ANHX: variants seen among roughly 807,000 people sequenced by gnomAD.
The protein encoded by ANHX is anomalous homeobox protein.
A neutral mutation model predicts 38.9 loss-of-function variants in ANHX; 20 were observed. That is an observed-to-expected ratio of 0.51 (90% CI 0.36 to 0.75). The LOEUF (loss-of-function observed/expected upper bound fraction) is 0.75. Ranked by LOEUF, ANHX falls within the 30% of genes least tolerant of loss-of-function variation. The probability of loss-of-function intolerance (pLI) is 0.00; values close to 1 mark genes in which losing one functional copy is unlikely to be tolerated. For missense variants in ANHX, 475 were observed against 493.1 expected, an observed-to-expected ratio of 0.96 and a Z score of 0.35; for synonymous variants, 185 against 203.1, an observed-to-expected ratio of 0.91 and a Z score of 0.76.
At chr12:133,226,683 A>AT (rs1469946700) in intron 5 of ANHX, among the ~76,000 whole-genome samples, 3 of 152,116 alleles carry the variant, frequency 2.0e-5, no homozygotes, top group African/African-American at 7.2e-5. Flanking sequence ...TGGCCACACG[A>AT]TGCCCTCCTC....
chr12:133,224,149 T>C (rs951705519), intron 7 of ANHX, among the ~76,000 whole-genome samples: 5 of 151,874 alleles, frequency 3.3e-5, no homozygotes, highest in Non-Finnish European at 7.4e-5. Context: ...CTGGGGACAA[T>C]AGCTTCACTC....
rs767542667 is a variant in ANHX at position 133,231,596 on chromosome 12, C to T, written c.298G>A (p.Asp100Asn). The change falls in exon 3 of 10, where the codon GAC (aspartate) becomes AAC (asparagine). Residue 100 changes from aspartate (D) to asparagine (N), a missense_variant. Physicochemically the swap from Asp to Asn is conservative, Grantham distance 23. Transcript: ENST00000545940. ...CTCATGACCAGACGGTAGTGGATGT[C>T]GTTCCAGAGCTGCACTAACTCCTGG... is the stretch of plus-strand genomic sequence containing the variant. ...GSQELVQLWN[D>N]IHYRLVMRRL... 2.1e-5 allele frequency: 33 copies of T among 1,535,998 alleles called. No homozygotes were observed. The African/African-American group carries it at 2.3e-4, about 11-fold the overall frequency.
At chr12:133,226,883 G>C (rs981168188) in intron 5 of ANHX, 53 bp downstream of exon 5, 15 of 1,448,948 alleles carry the variant, frequency 1.0e-5, no homozygotes, top group Non-Finnish European at 1.3e-5. Context: ...CCTGGCCCTT[G>C]TCAGAAACCA....
intron 7 of ANHX, among the ~76,000 whole-genome samples, chr12:133,224,775 C>G (rs1250233117): frequency 4.6e-5 from 7 of 150,710 alleles, no homozygotes; most frequent in Non-Finnish European, 8.8e-5. Flanking sequence ...ACCATCCTGG[C>G]TAACAGGGTG....
chr12:133,222,194 C>G (rs1409936735), intron 7 of ANHX, among the ~76,000 whole-genome samples: 5 of 152,218 alleles, frequency 3.3e-5, no homozygotes, highest in African/African-American at 9.7e-5. Flanking sequence ...TGTTCAAGCA[C>G]TAGTTTGGAC....
At position 133,221,442 on chromosome 12, in the gene ANHX, G is replaced by T. The variant is rs545677044; in HGVS notation, c.1133-90C>A. The T allele has an allele frequency of 2.0e-5, 29 of 1,420,364 alleles. No homozygotes were observed. The highest frequency in any genetic ancestry group is 2.5e-5 in the Non-Finnish European group (27 of 1,075,246). The allele number at this position is 1,420,364 out of a possible 1,614,324, so 88.0% of individuals were successfully genotyped here. A position where few individuals can be genotyped will look rare whatever the true frequency, so the allele number is the denominator to read the frequency against. On this transcript the variant is annotated intron_variant, in intron 7 of 9. Coordinates refer to ENST00000545940, the MANE Select transcript of ANHX (RefSeq NM_001372060.1). The surrounding 1 kb of genome is among the most constrained non-coding windows in gnomAD (Gnocchi z 4.1). The stretch of plus-strand genomic sequence containing the variant: ...ACCAAGACCTCAAAGCACGGAGGCG[G>T]ATGCAGCCTCCGGCCCAGCCAGCCC...
At chr12:133,234,548 A>T in intron 1 of ANHX, 170 bp from the exon 2 acceptor site, 1 of 712,660 alleles carries the variant, frequency 1.4e-6, no homozygotes, top group East Asian at 2.8e-5. Flanking sequence ...ACCATAGCAT[A>T]CACCCTCTAG....
Position 133,234,144 on chromosome 12 carries a change from C to T in ANHX, c.213G>A (p.Gln71=). The change falls in exon 2 of 10, where the codon CAG becomes CAA. Residue 71 remains glutamine, a synonymous_variant. Coordinates refer to ENST00000545940, the MANE Select transcript of ANHX (RefSeq NM_001372060.1). ...VALACARVLD[Q]QEQQQAACRL... ...GGCAAGCCGCCTGCTGCTGCTCCTGCTGGTCCAGGACACGGGCGCACGCCA... is the reference window on the plus strand; with the variant it reads ...GGCAAGCCGCCTGCTGCTGCTCCTGTTGGTCCAGGACACGGGCGCACGCCA... 6.5e-7 allele frequency: 1 copy of T among 1,536,042 alleles called. No individual in the cohort carries two copies. The highest frequency in any genetic ancestry group is 8.7e-7 in the Non-Finnish European group (1 of 1,146,888).
intron 8 of ANHX, among the ~76,000 whole-genome samples, chr12:133,220,577 T>G (rs1957095056): frequency 6.6e-6 from 1 of 152,182 alleles, no homozygotes; most frequent in African/African-American, 2.4e-5. Flanking sequence ...AGCTCCCTGA[T>G]GAGGGAGACC....
Position 133,221,852 on chromosome 12 carries a change from T to C in ANHX, c.1133-500A>G, listed in dbSNP as rs1193862636. ...ACTTTCCAGAGCGTATCTCAGAACA[T>C]CTCTCACTCTTAGACAAGCTACTGT... On this transcript the variant is annotated intron_variant, in intron 7 of 9. Transcript: ENST00000545940. This position sits in a 1 kb window ranked among gnomAD's most constrained non-coding sequence, Gnocchi z 4.1. 6.6e-6 allele frequency among the ~76,000 whole-genome samples: 1 copy of C among 152,180 alleles called. No homozygotes were observed. Among genetic ancestry groups the C allele is most frequent in the African/African-American group, 2.4e-5 (1 of 41,436 alleles).
chr12:133,221,077 G>C lies in ANHX; in HGVS notation c.1280+128C>G. 7.9e-7 allele frequency: 1 copy of C among 1,258,962 alleles called. No homozygotes were observed. The highest frequency in any genetic ancestry group is 1.1e-6 in the Non-Finnish European group (1 of 944,306). The allele number at this position is 1,258,962 out of a possible 1,614,324, so 78.0% of individuals were successfully genotyped here. Reference sequence around the variant, plus strand: ...GTGTAGGCTTGTGGGGACTGTTACAGTTTTCAGCAATCCAAAGGAGAGGAC... The same window carrying C: ...GTGTAGGCTTGTGGGGACTGTTACACTTTTCAGCAATCCAAAGGAGAGGAC... On this transcript the variant is annotated intron_variant, in intron 8 of 9. Transcript: ENST00000545940. This position sits in a 1 kb window ranked among gnomAD's most constrained non-coding sequence, Gnocchi z 4.1.
Position 133,218,893 on chromosome 12 carries a change from G to T in ANHX, c.1444C>A (p.Leu482Met). The T allele has an allele frequency of 6.6e-7, 1 of 1,526,294 alleles. No homozygotes were observed. Among genetic ancestry groups the T allele is most frequent in the Non-Finnish European group, 8.8e-7 (1 of 1,140,116 alleles). 94.5% of individuals were successfully genotyped at this position (1,526,294 alleles called of 1,614,324 possible). ...RMLLEFSGSS[L>M]G ...TGGCTCCTGGGGATAGCTCAGCCCA[G>T]GCTGCTCCCTGAAAACTCAAGGAGC... Residue 482 changes from leucine (L) to methionine (M), a missense_variant, in exon 10 of 10, where the codon CTG becomes ATG. By Grantham distance (15) the Leu-to-Met change is conservative (BLOSUM62 2). Coordinates refer to ENST00000545940, the MANE Select transcript of ANHX (RefSeq NM_001372060.1).
At chr12:133,234,413 C>G in intron 1 of ANHX, 35 bp from the exon 2 acceptor site, 1 of 1,498,934 alleles carries the variant, frequency 6.7e-7, no homozygotes, top group Non-Finnish European at 8.9e-7. Context: ...ATGGCCACCA[C>G]TGACCACGTC....
intron 1 of ANHX, chr12:133,234,619 CT>C: frequency 2.1e-6 from 1 of 471,662 alleles, no homozygotes; most frequent in South Asian, 2.1e-5. Flanking sequence ...GCACCAAGCA[CT>C]GGGCTGGGTA....
intron 1 of ANHX, chr12:133,235,587 C>G (rs1174358309): frequency 1.7e-4 from 26 of 151,810 alleles, no homozygotes; most frequent in Admixed American, 1.6e-3. Flanking sequence ...CCCCGCACCC[C>G]TCACCCTCCG....
chr12:133,235,195 G>A (rs1038455187), intron 1 of ANHX: 2 of 152,350 alleles, frequency 1.3e-5, no homozygotes, highest in Admixed American at 6.5e-5. Context: ...GTGGGCAGGA[G>A]GCCCTGGACC....
chr12:133,231,462 A>C (rs2135573459), intron 3 of ANHX, 55 bp downstream of exon 3: 2 of 1,533,568 alleles, frequency 1.3e-6, no homozygotes, highest in South Asian at 2.4e-5. Context: ...TGCATGGTAC[A>C]TCTAATCCCT....
Position 133,234,120 on chromosome 12 carries a change from G to A in ANHX, c.237C>T (p.Cys79=), listed in dbSNP as rs1265614828. 2 of 1,535,504 alleles carry A rather than the reference G, an allele frequency of 1.3e-6. No homozygotes were observed. Among genetic ancestry groups the A allele is most frequent in the African/African-American group, 2.7e-5 (2 of 73,044 alleles). ...LDQQEQQQAA[C]RLLEGCQVPG... is the part of the protein sequence containing the mutation. ...AGCCCAGGCCTACCTCCAGGAGGCG[G>A]CAAGCCGCCTGCTGCTGCTCCTGCT... The change falls in exon 2 of 10, where the codon TGC becomes TGT. Residue 79 remains cysteine, a synonymous_variant. Transcript: ENST00000545940.
intron 4 of ANHX, 123 bp from the exon 5 acceptor site, chr12:133,227,275 C>CA (rs1957202932): frequency 9.5e-7 from 1 of 1,057,966 alleles, no homozygotes; most frequent in African/African-American, 1.6e-5. Context: ...CTAACCTCTC[C>CA]AAGGACAGCA....
Sources: allele counts gnomAD v4.1 joint callset (sites outside exome capture counted in the v4.1 genomes callset), GRCh38; gene constraint gnomAD v4.1.1; non-coding constraint Gnocchi (gnomAD v3.1); transcripts MANE v1.5; gene names NCBI Gene and HGNC (gene_info 2026-07-23, HGNC 2026-07-21).